The following CDC42 variants were observed in gnomAD, a reference collection of about 807,000 sequenced individuals.
CDC42 encodes the protein cell division cycle 42, also known as cell division control protein 42 homolog.
In CDC42, 1 loss-of-function variant was observed where a neutral mutation model predicts 20.8. The ratio of observed to expected loss-of-function variants is 0.05; its 90% CI spans 0.02 to 0.23. The LOEUF (loss-of-function observed/expected upper bound fraction) is 0.23, where lower values mean the gene tolerates loss of function less well. CDC42 is among the 10% of genes least tolerant of loss of function. CDC42 has a pLI of 1.00. For missense variants in CDC42, 49 were observed against 227.9 expected, an observed-to-expected ratio of 0.21 and a Z score of 5.05; for synonymous variants, 72 against 84.8, an observed-to-expected ratio of 0.85 and a Z score of 0.83.
intron 1 of CDC42, among the ~76,000 whole-genome samples, chr1:22,076,721 T>A (rs1156729036): frequency 1.3e-5 from 2 of 152,154 alleles, no homozygotes; most frequent in Non-Finnish European, 2.9e-5. Flanking sequence ...ATTTAACCAG[T>A]AATTGATTGA....
At chr1:22,071,311 T>C (rs1645489792) in intron 1 of CDC42, among the ~76,000 whole-genome samples, 1 of 152,192 alleles carries the variant, frequency 6.6e-6, no homozygotes, top group East Asian at 1.9e-4. Flanking sequence ...CCCAAAGTGC[T>C]GGGATTACAG....
rs780855443 is a variant in CDC42 at position 22,099,202 on chromosome 1, A to G, written c.*7685A>G. 3.3e-5 allele frequency among the ~76,000 whole-genome samples: 5 copies of G among 152,248 alleles called. No individual in the cohort carries two copies. Among genetic ancestry groups the G allele is most frequent in the Non-Finnish European group, 7.3e-5 (5 of 68,034 alleles). On this transcript the variant is annotated 3_prime_UTR_variant, in exon 6 of 6. Transcript: ENST00000656825. ...AAGGCCCCCATAAATAAATTGGTGC[A>G]TTAAGGAAGGAATATTAATCACATC...
chr1:22,061,889 T>C (rs971506099), intron 1 of CDC42, among the ~76,000 whole-genome samples: 3 of 151,736 alleles, frequency 2.0e-5, no homozygotes, highest in African/African-American at 7.3e-5. Context: ...ACTTGTTTGA[T>C]GACGTTTCAT....
At position 22,101,216 on chromosome 1, in the gene CDC42, A is replaced by G. The variant is rs1316924292; in HGVS notation, c.*9699A>G. ...TTGATACTATATCTTCATTTCTCCC[A>G]TGGTAGTAATAACACTGTTGGAAAG... On this transcript the variant is annotated 3_prime_UTR_variant, in exon 6 of 6. Transcript: ENST00000656825. The G allele has an allele frequency of 2.0e-5, 3 of 152,216 alleles. No individual in the cohort carries two copies. The highest frequency in any genetic ancestry group is 4.4e-5 in the Non-Finnish European group (3 of 68,048). 9.4% of individuals were successfully genotyped at this position (152,216 alleles called of 1,614,324 possible). A position where few individuals can be genotyped will look rare whatever the true frequency, so the allele number is the denominator to read the frequency against.
chr1:22,099,690 A>T lies in CDC42; in HGVS notation c.*8173A>T, dbSNP rs1645777796. ...ATCAGTTGTAGCATGAGAGAATATGACACCTTCTTCCTTTAGAGGATCTAA... is the reference window on the plus strand; with the variant it reads ...ATCAGTTGTAGCATGAGAGAATATGTCACCTTCTTCCTTTAGAGGATCTAA... On this transcript the variant is annotated 3_prime_UTR_variant, in exon 6 of 6. Coordinates refer to ENST00000656825, the MANE Select transcript of CDC42 (RefSeq NM_001791.4). 6.6e-6 allele frequency among the ~76,000 whole-genome samples: 1 copy of T among 152,092 alleles called. No individual in the cohort carries two copies. Among genetic ancestry groups the T allele is most frequent in the South Asian group, 2.1e-4 (1 of 4,830 alleles).
chr1:22,071,559 T>C (rs920841776), intron 1 of CDC42, among the ~76,000 whole-genome samples: 6 of 152,196 alleles, frequency 3.9e-5, no homozygotes, highest in Non-Finnish European at 8.8e-5. Flanking sequence ...AATTGTACGT[T>C]AGATATGCTA....
chr1:22,062,211 C>T (rs1201184719), intron 1 of CDC42, among the ~76,000 whole-genome samples: 2 of 152,230 alleles, frequency 1.3e-5, no homozygotes, highest in Non-Finnish European at 2.9e-5. Flanking sequence ...GTTGGGATTA[C>T]AGGCGTGAGC....
At position 22,087,170 on chromosome 1, in the gene CDC42, G is replaced by A. The variant is rs183651492; in HGVS notation, c.486+304G>A. Reference sequence around the variant, plus strand: ...AGATAAGCATAAACTTGCAAGAGACGATGTGAATGATTTTTTTTTTTTCTA... The same window carrying A: ...AGATAAGCATAAACTTGCAAGAGACAATGTGAATGATTTTTTTTTTTTCTA... On this transcript the variant is annotated intron_variant, in intron 5 of 5. Coordinates refer to ENST00000656825, the MANE Select transcript of CDC42 (RefSeq NM_001791.4). Among the ~76,000 whole-genome samples the A allele has an allele frequency of 3.9e-5, 6 of 152,124 alleles. No individual in the cohort carries two copies. In the East Asian group the frequency reaches 9.7e-4, roughly 25 times the overall value.
intron 1 of CDC42, among the ~76,000 whole-genome samples, chr1:22,070,024 G>A (rs1645468102): frequency 6.6e-6 from 1 of 152,156 alleles, no homozygotes; most frequent in South Asian, 2.1e-4. Context: ...CTGGCCTCAA[G>A]CAATCCACCT....
At chr1:22,073,847 C>T (rs553582295) in intron 1 of CDC42, among the ~76,000 whole-genome samples, 1 of 151,146 alleles carries the variant, frequency 6.6e-6, no homozygotes, top group Non-Finnish European at 1.5e-5. Context: ...GATGGGGTCT[C>T]ACTCTGTTTC....
intron 5 of CDC42, chr1:22,090,809 G>A: frequency 2.0e-6 from 2 of 984,802 alleles, no homozygotes; most frequent in Non-Finnish European, 2.4e-6. Context: ...TTGTATAAAT[G>A]CCTGATGAAG....
intron 1 of CDC42, among the ~76,000 whole-genome samples, chr1:22,056,801 A>G (rs961371055): frequency 2.6e-5 from 4 of 152,276 alleles, no homozygotes; most frequent in Admixed American, 2.6e-4. Context: ...ATTAGCCATT[A>G]TACTAAAGTC....
chr1:22,065,629 TG>T (rs1469685846), intron 1 of CDC42, among the ~76,000 whole-genome samples: 1 of 152,218 alleles, frequency 6.6e-6, no homozygotes, highest in Non-Finnish European at 1.5e-5. Context: ...TTCTCTGTAG[TG>T]GTCTTGTGAA....
intron 1 of CDC42, among the ~76,000 whole-genome samples, chr1:22,075,381 G>C (rs760583538): frequency 5.3e-5 from 8 of 152,124 alleles, no homozygotes; most frequent in Non-Finnish European, 1.0e-4. Flanking sequence ...TGATATTGCA[G>C]GGGATTGATT....
chr1:22,098,682 A>G lies in CDC42; in HGVS notation c.*7165A>G, dbSNP rs972164543. Reference sequence around the variant, plus strand: ...GTGCCATTGGTTTGAAAACCATGACATGAGATGATTTCTTAAGGTTTTATT... The same window carrying G: ...GTGCCATTGGTTTGAAAACCATGACGTGAGATGATTTCTTAAGGTTTTATT... On this transcript the variant is annotated 3_prime_UTR_variant, in exon 6 of 6. Coordinates refer to ENST00000656825, the MANE Select transcript of CDC42 (RefSeq NM_001791.4). 2.6e-5 allele frequency among the ~76,000 whole-genome samples: 4 copies of G among 152,210 alleles called. No homozygotes were observed. Among genetic ancestry groups the G allele is most frequent in the Non-Finnish European group, 4.4e-5 (3 of 68,030 alleles).
intron 1 of CDC42, among the ~76,000 whole-genome samples, chr1:22,070,621 G>T (rs779340704): frequency 2.0e-5 from 3 of 151,582 alleles, no homozygotes; most frequent in Non-Finnish European, 4.4e-5. Context: ...CCACCACCAC[G>T]CCCAGCTGAT....
In CDC42 at chr1:22,071,919, AG is replaced by A. The variant is rs1486148734; in HGVS notation, c.-50-6507del. 2.0e-5 allele frequency among the ~76,000 whole-genome samples: 3 copies of A among 152,250 alleles called. No individual in the cohort carries two copies. In the East Asian group the frequency reaches 5.8e-4, roughly 29 times the overall value. ...TCTGATACTCCCACCCCACAGCTTA[AG>A]GGCTCAGTCTTGGAAGACTGCCCTC... On this transcript the variant is annotated intron_variant, in intron 1 of 5. Transcript: ENST00000656825.
Position 22,094,116 on chromosome 1 carries a change from C to G in CDC42, c.*2599C>G, listed in dbSNP as rs927463611. 2.1e-4 allele frequency among the ~76,000 whole-genome samples: 32 copies of G among 151,904 alleles called. No homozygotes were observed. The highest frequency in any genetic ancestry group is 4.3e-4 in the Non-Finnish European group (29 of 67,980). Reference sequence around the variant, plus strand: ...TTTTCTATTTGACGTAACAAACTTGCTTATAGTCGTGGCTTAGAAGGTGAG... The same window carrying G: ...TTTTCTATTTGACGTAACAAACTTGGTTATAGTCGTGGCTTAGAAGGTGAG... On this transcript the variant is annotated 3_prime_UTR_variant, in exon 6 of 6. Coordinates refer to ENST00000656825, the MANE Select transcript of CDC42 (RefSeq NM_001791.4).
intron 1 of CDC42, among the ~76,000 whole-genome samples, chr1:22,063,383 T>C (rs888534800): frequency 1.3e-5 from 2 of 152,186 alleles, no homozygotes; most frequent in Non-Finnish European, 2.9e-5. Flanking sequence ...TAGTAAATTA[T>C]TGAAATGTGT....
Sources: allele counts gnomAD v4.1 joint callset (sites outside exome capture counted in the v4.1 genomes callset), GRCh38; gene constraint gnomAD v4.1.1; transcripts MANE v1.5; gene names NCBI Gene and HGNC (gene_info 2026-07-23, HGNC 2026-07-21).